DYNC1I1: variants seen among roughly 807,000 people sequenced by gnomAD.
DYNC1I1 encodes cytoplasmic dynein 1 intermediate chain 1.
Under a neutral mutation model 86.6 loss-of-function variants are expected in DYNC1I1, and 43 were observed. That is an observed-to-expected ratio of 0.50 (90% CI 0.39 to 0.64). The LOEUF (loss-of-function observed/expected upper bound fraction) is 0.64, where lower values mean the gene tolerates loss of function less well. DYNC1I1 is among the 30% of genes least tolerant of loss of function. The pLI, the probability that DYNC1I1 is intolerant of heterozygous loss-of-function variation, is 0.00. For synonymous variants in DYNC1I1, 262 were observed against 283.7 expected (o/e 0.92, Z 0.77); for missense variants, 604 against 788.8 (o/e 0.77, Z 2.81).
intron 5 of DYNC1I1, among the ~76,000 whole-genome samples, chr7:95,848,881 C>G (rs76549439): frequency 1.3e-5 from 2 of 152,042 alleles, no homozygotes; most frequent in African/African-American, 4.8e-5. Flanking sequence ...ACAATCTTGC[C>G]AATATTTGCT....
intron 5 of DYNC1I1, among the ~76,000 whole-genome samples, chr7:95,858,488 A>G (rs1423163210): frequency 6.6e-6 from 1 of 152,198 alleles, no homozygotes; most frequent in Non-Finnish European, 1.5e-5. Context: ...AAATACATAA[A>G]CCAATATCAT....
At chr7:96,080,316 A>G in intron 15 of DYNC1I1, 47 bp from the exon 16 acceptor site, 4 of 1,516,512 alleles carry the variant, frequency 2.6e-6, no homozygotes, top group East Asian at 2.3e-5. Flanking sequence ...TGTATATTTA[A>G]ATTCATATTC....
intron 6 of DYNC1I1, among the ~76,000 whole-genome samples, chr7:95,925,180 T>C (rs1047157674): frequency 6.6e-6 from 1 of 152,212 alleles, no homozygotes; most frequent in African/African-American, 2.4e-5. Context: ...GGATGGTTCA[T>C]GTAAGTGGGG....
chr7:96,031,186 C>G (rs1295631875), intron 11 of DYNC1I1, among the ~76,000 whole-genome samples: 1 of 152,088 alleles, frequency 6.6e-6, no homozygotes, highest in Non-Finnish European at 1.5e-5. Flanking sequence ...TATAGGTAGA[C>G]AGTTCTGTTT....
At chr7:95,805,876 A>G (rs890694277) in intron 2 of DYNC1I1, among the ~76,000 whole-genome samples, 1 of 152,242 alleles carries the variant, frequency 6.6e-6, no homozygotes, top group Non-Finnish European at 1.5e-5. Context: ...GTGTTGTTTC[A>G]TACTACAAGG....
chr7:96,050,098 GACA>G (rs1451739422), intron 14 of DYNC1I1, among the ~76,000 whole-genome samples: 3 of 150,212 alleles, frequency 2.0e-5, no homozygotes, highest in Non-Finnish European at 3.0e-5. Context: ...CAAACAATTC[GACA>G]ACAAGAAAAT....
At chr7:95,944,858 C>A (rs969618346) in intron 6 of DYNC1I1, among the ~76,000 whole-genome samples, 1 of 122,412 alleles carries the variant, frequency 8.2e-6, no homozygotes, top group Admixed American at 1.1e-4. Flanking sequence ...GAACATCACA[C>A]TCTGGGGACT....
intron 10 of DYNC1I1, among the ~76,000 whole-genome samples, chr7:95,998,127 A>G (rs564710070): frequency 1.5e-4 from 23 of 152,288 alleles, no homozygotes; most frequent in African/African-American, 5.5e-4. Context: ...TCATGATCTC[A>G]TTGATTGTAC....
At chr7:96,021,948 A>C (rs1374607604) in intron 10 of DYNC1I1, among the ~76,000 whole-genome samples, 2 of 152,218 alleles carry the variant, frequency 1.3e-5, no homozygotes, top group African/African-American at 4.8e-5. Context: ...ACAATTATGA[A>C]TAATGCCGCT....
At chr7:95,858,685 T>C (rs1789792004) in intron 5 of DYNC1I1, among the ~76,000 whole-genome samples, 1 of 151,782 alleles carries the variant, frequency 6.6e-6, no homozygotes. Context: ...CTAATAATCT[T>C]ATGGGGCCAC....
Position 95,984,900 on chromosome 7 carries a change from G to T in DYNC1I1, c.666G>T (p.Arg222=). Residue 222 remains arginine (R), a synonymous_variant, in exon 8 of 17, where the codon CGG becomes CGT. Coordinates refer to ENST00000447467, the MANE Select transcript of DYNC1I1 (RefSeq NM_001135556.2). ...TCATCTTTTTTGACCGGACAATACGGGTAATTGAAAGAGCCCTGGCTGAAG... is the reference window on the plus strand; with the variant it reads ...TCATCTTTTTTGACCGGACAATACGTGTAATTGAAAGAGCCCTGGCTGAAG... ...EFLIFFDRTI[R]VIERALAEDS... 1 of 1,613,582 alleles carries T rather than the reference G, an allele frequency of 6.2e-7. No homozygotes were observed. The highest frequency in any genetic ancestry group is 8.5e-7 in the Non-Finnish European group (1 of 1,179,728).
rs1031978752 is a variant in DYNC1I1, at chr7:96,003,986, C to T, written c.969+7913C>T. Among the ~76,000 whole-genome samples the T allele has an allele frequency of 3.9e-5, 6 of 152,190 alleles. 1 individual carries two copies. Among genetic ancestry groups the T allele is most frequent in the Non-Finnish European group, 7.4e-5 (5 of 68,016 alleles). On this transcript the variant is annotated intron_variant, in intron 10 of 16. Coordinates refer to ENST00000447467, the MANE Select transcript of DYNC1I1 (RefSeq NM_001135556.2). ...TGTGTTATTAATAAATACAGAGACTCCTGGAATAAATAAATAATGTGATTC... is the reference window on the plus strand; with the variant it reads ...TGTGTTATTAATAAATACAGAGACTTCTGGAATAAATAAATAATGTGATTC...
intron 7 of DYNC1I1, 134 bp from the exon 8 acceptor site, chr7:95,984,681 A>G (rs764443630): frequency 1.2e-5 from 9 of 767,964 alleles, no homozygotes; most frequent in Non-Finnish European, 1.7e-5. Flanking sequence ...AATATTAGCA[A>G]TGATTTGTTT....
chr7:96,020,922 T>G (rs1301598250), intron 10 of DYNC1I1, among the ~76,000 whole-genome samples: 1 of 152,108 alleles, frequency 6.6e-6, no homozygotes, highest in African/African-American at 2.4e-5. Context: ...ATAATACTTA[T>G]ATGAGGTACC....
At chr7:95,894,955 T>C (rs1358384296) in intron 6 of DYNC1I1, among the ~76,000 whole-genome samples, 1 of 152,288 alleles carries the variant, frequency 6.6e-6, no homozygotes, top group East Asian at 1.9e-4. Flanking sequence ...TGGAGAAGAA[T>C]TGGGCCTTTT....
intron 14 of DYNC1I1, among the ~76,000 whole-genome samples, chr7:96,066,984 T>C (rs1298165126): frequency 2.0e-5 from 3 of 152,200 alleles, no homozygotes; most frequent in Non-Finnish European, 2.9e-5. Context: ...TTATTTTAAA[T>C]TGAGACAGAA....
intron 1 of DYNC1I1, among the ~76,000 whole-genome samples, chr7:95,785,258 CA>C (rs1794098957): frequency 6.6e-6 from 1 of 152,044 alleles, no homozygotes; most frequent in African/African-American, 2.4e-5. Flanking sequence ...CCAAAAAATA[CA>C]AAAAATTAGC....
chr7:95,973,130 A>G (rs1793216830), intron 6 of DYNC1I1, among the ~76,000 whole-genome samples: 1 of 152,232 alleles, frequency 6.6e-6, no homozygotes, highest in African/African-American at 2.4e-5. Flanking sequence ...CAACTCATAT[A>G]TCAGTAGTCT....
Position 95,974,563 on chromosome 7 carries a change from A to T in DYNC1I1, c.491-2949A>T, listed in dbSNP as rs868158055. On this transcript the variant is annotated intron_variant, in intron 6 of 16. Transcript: ENST00000447467. ...AAACCCAGGGGCCAGCAAGTGGTGG[A>T]CTCCAGCCTGGAACAAGATCAAATA... 2.0e-5 allele frequency among the ~76,000 whole-genome samples: 3 copies of T among 152,202 alleles called. No individual in the cohort carries two copies. The South Asian group carries it at 6.2e-4, about 32-fold the overall frequency.
Sources: allele counts gnomAD v4.1 joint callset (sites outside exome capture counted in the v4.1 genomes callset), GRCh38; gene constraint gnomAD v4.1.1; transcripts MANE v1.5; gene names NCBI Gene and HGNC (gene_info 2026-07-23, HGNC 2026-07-21).